The following DDX10 variants were observed in gnomAD, a reference collection of about 807,000 sequenced individuals.
DDX10 encodes probable ATP-dependent RNA helicase DDX10.
DDX10 carries 74 observed loss-of-function variants against 104.3 expected under a neutral mutation model. The observed-to-expected ratio is 0.71, with a 90% CI of 0.59 to 0.86. The LOEUF (loss-of-function observed/expected upper bound fraction) is 0.86, where lower values mean the gene tolerates loss of function less well. Among genes scored for constraint, DDX10 ranks in the 40% least tolerant of loss-of-function variants. The pLI, the probability that DDX10 is intolerant of heterozygous loss-of-function variation, is 0.00. For synonymous variants in DDX10, 351 were observed against 353.4 expected (o/e 0.99, Z 0.08); for missense variants, 952 against 1,040.0 (o/e 0.92, Z 1.16).
chr11:108,788,434 C>T (rs980702339), intron 13 of DDX10, among the ~76,000 whole-genome samples: 3 of 151,944 alleles, frequency 2.0e-5, no homozygotes, highest in Non-Finnish European at 4.4e-5. Flanking sequence ...GTGATCTCGG[C>T]TCATTGCAAG....
intron 13 of DDX10, chr11:108,768,031 T>C (rs998856701): frequency 6.6e-6 from 1 of 152,270 alleles, no homozygotes; most frequent in Non-Finnish European, 1.5e-5. Flanking sequence ...CATATGACTT[T>C]CTTAATAACA....
At chr11:108,789,040 C>T (rs781559905) in intron 13 of DDX10, among the ~76,000 whole-genome samples, 8 of 152,344 alleles carry the variant, frequency 5.3e-5, no homozygotes, top group Non-Finnish European at 1.0e-4. Flanking sequence ...ACACACCCCA[C>T]TCCCCTGCTG....
intron 1 of DDX10, among the ~76,000 whole-genome samples, chr11:108,669,956 T>TA (rs977093108): frequency 3.9e-5 from 6 of 152,218 alleles, no homozygotes; most frequent in Non-Finnish European, 7.3e-5. Flanking sequence ...TGCTGCCACC[T>TA]AGATTTTAGC....
intron 12 of DDX10, among the ~76,000 whole-genome samples, chr11:108,720,705 C>T (rs1026316755): frequency 7.2e-5 from 11 of 152,074 alleles, no homozygotes; most frequent in Admixed American, 7.2e-4. Context: ...ATCCTCTCAT[C>T]TCAGCCTCCT....
chr11:108,809,646 C>T (rs747957474), intron 13 of DDX10, among the ~76,000 whole-genome samples: 16 of 152,096 alleles, frequency 1.1e-4, no homozygotes, highest in Admixed American at 3.9e-4. Flanking sequence ...CATACCAGGC[C>T]GTATGTAAGG....
chr11:108,722,712 T>C (rs1011353870), intron 12 of DDX10, among the ~76,000 whole-genome samples: 6 of 152,184 alleles, frequency 3.9e-5, no homozygotes, highest in Non-Finnish European at 8.8e-5. Context: ...AATTGGCAGG[T>C]CTAGTACTTG....
chr11:108,844,838 A>G (rs1039538531), intron 15 of DDX10, among the ~76,000 whole-genome samples: 2 of 152,198 alleles, frequency 1.3e-5, no homozygotes, highest in Admixed American at 1.3e-4. Flanking sequence ...TGTTTGGAAA[A>G]TAAAATTTTG....
chr11:108,718,996 A>C (rs961570573), intron 11 of DDX10, among the ~76,000 whole-genome samples: 4 of 152,180 alleles, frequency 2.6e-5, no homozygotes, highest in African/African-American at 9.7e-5. Flanking sequence ...TACAAAAGTC[A>C]ACTTAAAAAA....
chr11:108,731,440 A>C (rs920830969), intron 13 of DDX10, among the ~76,000 whole-genome samples: 2 of 151,986 alleles, frequency 1.3e-5, no homozygotes, highest in Admixed American at 1.3e-4. Flanking sequence ...TCGTGTTAAT[A>C]TCTTTTGATT....
rs897311539 is a variant in DDX10, at chr11:108,717,239, A to G, written c.1410+1273A>G. 2.0e-4 allele frequency among the ~76,000 whole-genome samples: 30 copies of G among 152,358 alleles called. No homozygotes were observed. In the Middle Eastern group the frequency reaches 0.01, roughly 52 times the overall value. ...TAAGTCGATAGGGTAGCCTGAGCAG[A>G]AAAACATTCAATAGTTAGGGTTTTA... On this transcript the variant is annotated intron_variant, in intron 11 of 17. Coordinates refer to ENST00000322536, the MANE Select transcript of DDX10 (RefSeq NM_004398.4).
intron 13 of DDX10, among the ~76,000 whole-genome samples, chr11:108,789,646 G>C (rs1861843866): frequency 6.6e-6 from 1 of 152,168 alleles, no homozygotes; most frequent in Non-Finnish European, 1.5e-5. Flanking sequence ...TCTACTTCTT[G>C]TTTATAAAGC....
chr11:108,667,493 T>G (rs766295511), intron 1 of DDX10, among the ~76,000 whole-genome samples: 3 of 152,196 alleles, frequency 2.0e-5, no homozygotes, highest in Non-Finnish European at 4.4e-5. Context: ...GCTGACCTGG[T>G]TTAAATCTCA....
At chr11:108,793,497 C>G (rs1861898575) in intron 13 of DDX10, among the ~76,000 whole-genome samples, 1 of 152,058 alleles carries the variant, frequency 6.6e-6, no homozygotes, top group Non-Finnish European at 1.5e-5. Context: ...TACACCTTTA[C>G]CTCAACAAAA....
chr11:108,831,584 G>A (rs990923896), intron 13 of DDX10, among the ~76,000 whole-genome samples: 1 of 151,712 alleles, frequency 6.6e-6, no homozygotes, highest in Non-Finnish European at 1.5e-5. Flanking sequence ...ATTATTAGTT[G>A]GCCCAAATGG....
intron 13 of DDX10, among the ~76,000 whole-genome samples, chr11:108,795,813 G>T (rs1861933517): frequency 6.6e-6 from 1 of 152,142 alleles, no homozygotes; most frequent in Admixed American, 6.5e-5. Context: ...TGTGGTGCAT[G>T]TGTCTTTATA....
chr11:108,822,506 A>G (rs1862338887), intron 13 of DDX10: 2 of 270,816 alleles, frequency 7.4e-6, no homozygotes, highest in South Asian at 4.5e-5. Context: ...GTGTCTGTGT[A>G]AGAGTATCCA....
In DDX10 at chr11:108,883,203, G is replaced by A. The variant is rs144534408; in HGVS notation, c.2304+30994G>A. On this transcript the variant is annotated intron_variant, in intron 16 of 17. Coordinates refer to ENST00000322536, the MANE Select transcript of DDX10 (RefSeq NM_004398.4). ...AGATCTAGAACCCACTTCCTGGTTC[G>A]TCCTATATTCAGTAGACCATATTAC... is the stretch of plus-strand genomic sequence containing the variant. Among the ~76,000 whole-genome samples the A allele has an allele frequency of 2.8e-4, 42 of 152,058 alleles. No individual in the cohort carries two copies. The East Asian group carries it at 7.5e-3, about 27-fold the overall frequency.
chr11:108,856,372 A>G (rs1486799414), intron 16 of DDX10, among the ~76,000 whole-genome samples: 1 of 152,152 alleles, frequency 6.6e-6, no homozygotes, highest in Non-Finnish European at 1.5e-5. Flanking sequence ...TGGAGGCTGC[A>G]GTGAGCCGAG....
intron 12 of DDX10, among the ~76,000 whole-genome samples, chr11:108,720,895 GTT>G (rs35211888): frequency 7.0e-6 from 1 of 142,486 alleles, no homozygotes. Context: ...GCCTGGCCGG[GTT>G]TTTTTTTTTT....
Sources: allele counts gnomAD v4.1 joint callset (sites outside exome capture counted in the v4.1 genomes callset), GRCh38; gene constraint gnomAD v4.1.1; transcripts MANE v1.5; gene names NCBI Gene and HGNC (gene_info 2026-07-23, HGNC 2026-07-21).